Variants in LRRFIP2 observed in about 807,000 individuals in gnomAD.
LRRFIP2 encodes leucine-rich repeat flightless-interacting protein 2.
LRRFIP2 carries 109 observed loss-of-function variants against 125.9 expected under a neutral mutation model. The ratio of observed to expected loss-of-function variants is 0.87; its 90% confidence interval spans 0.74 to 1.01. The LOEUF is 1.01. LRRFIP2 is among the 50% of genes least tolerant of loss of function. LRRFIP2 has a pLI of 0.00. For synonymous variants in LRRFIP2, 291 were observed against 293.1 expected, an observed-to-expected ratio of 0.99 and a Z score of 0.07; for missense variants, 850 against 862.3, an observed-to-expected ratio of 0.99 and a Z score of 0.18.
chr3:37,077,464 A>C (rs1194745259), intron 19 of LRRFIP2, among the ~76,000 whole-genome samples: 3 of 152,192 alleles, frequency 2.0e-5, no homozygotes, highest in Non-Finnish European at 2.9e-5. Flanking sequence ...TAAGAAATAC[A>C]TATATTTGTA....
At chr3:37,108,195 T>C in intron 12 of LRRFIP2, 66 bp from the exon 13 acceptor site, 1 of 1,278,238 alleles carries the variant, frequency 7.8e-7, no homozygotes, top group Non-Finnish European at 1.1e-6. Flanking sequence ...TGAGAATACA[T>C]TAGGGACCAT....
At chr3:37,070,620 C>T (rs956749090) in intron 21 of LRRFIP2, among the ~76,000 whole-genome samples, 2 of 151,974 alleles carry the variant, frequency 1.3e-5, no homozygotes, top group Non-Finnish European at 2.9e-5. Flanking sequence ...CCTGTAGTCC[C>T]AGCTACTCAG....
At chr3:37,171,634 C>A (rs555870196) in intron 1 of LRRFIP2, among the ~76,000 whole-genome samples, 1 of 152,098 alleles carries the variant, frequency 6.6e-6, no homozygotes, top group African/African-American at 2.4e-5. Flanking sequence ...TCAAATAGCA[C>A]TCTAGTTTGC....
intron 1 of LRRFIP2, among the ~76,000 whole-genome samples, chr3:37,173,669 A>G (rs760421030): frequency 1.8e-4 from 27 of 152,202 alleles, no homozygotes; most frequent in Non-Finnish European, 2.9e-4. Flanking sequence ...CTTCTGAATG[A>G]TCCTCATCAA....
At chr3:37,163,045 G>A (rs1008931142) in intron 1 of LRRFIP2, among the ~76,000 whole-genome samples, 2 of 152,250 alleles carry the variant, frequency 1.3e-5, no homozygotes, top group Admixed American at 6.5e-5. Context: ...GATATTTACC[G>A]TAGTATCTTG....
intron 2 of LRRFIP2, chr3:37,134,833 A>T: frequency 2.1e-6 from 2 of 969,576 alleles, no homozygotes; most frequent in Non-Finnish European, 3.3e-6. Context: ...TTTCCTACAG[A>T]CTGCTCCTTC....
In LRRFIP2 at chr3:37,055,097, AG is replaced by A. The variant is rs1207210342; in HGVS notation, c.1938del (p.Leu647TrpfsTer13). The A allele has an allele frequency of 1.3e-6, 2 of 1,592,624 alleles. No individual in the cohort carries two copies. Among genetic ancestry groups the A allele is most frequent in the Non-Finnish European group, 1.7e-6 (2 of 1,171,074 alleles). On this transcript the variant is annotated frameshift_variant, in exon 26 of 28. Transcript: ENST00000336686. LOFTEE classifies it high-confidence loss of function. ...KLSKAEQDIT[T>X]LEQSISRLEG... The stretch of plus-strand genomic sequence containing the variant: ...ATAGAAGTACTTACACTTTGCTCCA[AG>A]GTAGTTATATCCTGTTCTGCTTTTG...
chr3:37,073,743 T>C (rs1212475769), intron 20 of LRRFIP2, among the ~76,000 whole-genome samples: 2 of 152,224 alleles, frequency 1.3e-5, no homozygotes, highest in Non-Finnish European at 2.9e-5. Flanking sequence ...TCAAGCATTA[T>C]ATTCTTCTTA....
chr3:37,148,970 G>A lies in LRRFIP2; in HGVS notation c.14C>T (p.Ala5Val). The A allele has an allele frequency of 6.2e-7, 1 of 1,613,984 alleles. No individual in the cohort carries two copies. Among genetic ancestry groups the A allele is most frequent in the Non-Finnish European group, 8.5e-7 (1 of 1,179,934 alleles). Residue 5 changes from alanine (A) to valine (V), a missense_variant, in exon 2 of 28, where the codon GCT (alanine) becomes GTT (valine). Physicochemically the swap from Ala to Val is moderately conservative, Grantham distance 64 (BLOSUM62 0). Transcript: ENST00000336686. ...CACAGGTGTTCTTTTCCTTCCAGAAGCAGGAGTCCCCATCTTGTGTTCTTA... is the reference window on the plus strand; with the variant it reads ...CACAGGTGTTCTTTTCCTTCCAGAAACAGGAGTCCCCATCTTGTGTTCTTA... The part of the protein sequence containing the change: MGTP[A>V]SGRKRTPVKD...
intron 6 of LRRFIP2, among the ~76,000 whole-genome samples, chr3:37,117,461 A>G (rs896176414): frequency 7.2e-5 from 11 of 152,192 alleles, no homozygotes; most frequent in Non-Finnish European, 1.0e-4. Flanking sequence ...AGTCACCCCA[A>G]TAAGTAAAAG....
chr3:37,080,946 G>C (rs894610529), intron 19 of LRRFIP2, among the ~76,000 whole-genome samples: 5 of 152,076 alleles, frequency 3.3e-5, no homozygotes, highest in Non-Finnish European at 5.9e-5. Context: ...ATGAATTATT[G>C]TTAATTTTAC....
intron 15 of LRRFIP2, among the ~76,000 whole-genome samples, chr3:37,097,271 A>T (rs7650877): frequency 9.9e-5 from 15 of 151,638 alleles, no homozygotes; most frequent in African/African-American, 3.4e-4. Context: ...TACCCTGACC[A>T]CCAGTCTCTA....
chr3:37,126,281 C>T (rs1377633231), intron 4 of LRRFIP2, among the ~76,000 whole-genome samples: 5 of 152,154 alleles, frequency 3.3e-5, no homozygotes, highest in Non-Finnish European at 4.4e-5. Flanking sequence ...CCACCTGCCT[C>T]GGCCTCCCAA....
chr3:37,108,515 G>A (rs1441914158), intron 12 of LRRFIP2, 122 bp downstream of exon 12: 6 of 764,816 alleles, frequency 7.8e-6, no homozygotes, highest in Non-Finnish European at 1.3e-5. Flanking sequence ...TTCCAGGTCA[G>A]ATTAAATGAC....
intron 4 of LRRFIP2, among the ~76,000 whole-genome samples, chr3:37,123,903 T>C (rs2095171227): frequency 6.6e-6 from 1 of 152,192 alleles, no homozygotes; most frequent in Non-Finnish European, 1.5e-5. Flanking sequence ...AAAACAATTA[T>C]AAATTAAAAT....
At chr3:37,081,715 C>T (rs2092655057) in intron 19 of LRRFIP2, among the ~76,000 whole-genome samples, 1 of 128,374 alleles carries the variant, frequency 7.8e-6, no homozygotes, top group South Asian at 2.3e-4. Context: ...GAAACCGTTT[C>T]TATAAAAAAA....
At chr3:37,163,335 C>T (rs1273920846) in intron 1 of LRRFIP2, among the ~76,000 whole-genome samples, 1 of 152,214 alleles carries the variant, frequency 6.6e-6, no homozygotes, top group Non-Finnish European at 1.5e-5. Flanking sequence ...TTTTCCCTTT[C>T]CTTCCTTGCA....
At chr3:37,059,796 A>G (rs1438052290) in intron 24 of LRRFIP2, among the ~76,000 whole-genome samples, 3 of 148,104 alleles carry the variant, frequency 2.0e-5, no homozygotes, top group African/African-American at 7.4e-5. Flanking sequence ...AAAAAAAAAA[A>G]AAATAATAAT....
At chr3:37,137,718 C>G (rs2095593447) in intron 2 of LRRFIP2, among the ~76,000 whole-genome samples, 1 of 152,180 alleles carries the variant, frequency 6.6e-6, no homozygotes, top group African/African-American at 2.4e-5. Context: ...AATCTAGCAT[C>G]TCAAGCTCTG....
Sources: gnomAD v4.1 joint callset for allele counts (sites outside exome capture counted in the v4.1 genomes callset) on GRCh38, gnomAD v4.1.1 for gene constraint, MANE v1.5 for transcripts, NCBI Gene and HGNC (gene_info 2026-07-23, HGNC 2026-07-21) for gene names.